The following TMEM178B variants were observed in gnomAD, a reference collection of about 807,000 sequenced individuals.
The protein encoded by TMEM178B is transmembrane protein 178B.
Under a neutral mutation model 31.0 loss-of-function variants are expected in TMEM178B, and 5 were observed. The observed-to-expected ratio is 0.16, with a 90% CI of 0.08 to 0.34. The LOEUF (loss-of-function observed/expected upper bound fraction) is 0.34, where lower values mean the gene tolerates loss of function less well. Among genes scored for constraint, TMEM178B ranks in the 10% least tolerant of loss-of-function variants. The pLI, the probability that TMEM178B is intolerant of heterozygous loss-of-function variation, is 1.00. For synonymous variants in TMEM178B, 164 were observed against 164.0 expected (o/e 1.00, Z 0.00); for missense variants, 275 against 400.3 (o/e 0.69, Z 2.67).
intron 2 of TMEM178B, among the ~76,000 whole-genome samples, chr7:141,237,469 A>G (rs918827835): frequency 4.6e-5 from 7 of 152,234 alleles, no homozygotes; most frequent in African/African-American, 7.2e-5. Flanking sequence ...ATTGAATACA[A>G]ATTGAAAAAA....
intron 1 of TMEM178B, among the ~76,000 whole-genome samples, chr7:141,097,568 A>G (rs143713910): frequency 4.6e-5 from 7 of 152,014 alleles, no homozygotes; most frequent in Non-Finnish European, 1.5e-5. Context: ...AAAATTGAAG[A>G]GAATCAGTCC....
chr7:141,227,587 TTTAGGAGGTC>T (rs1321924881), intron 2 of TMEM178B, among the ~76,000 whole-genome samples: 2 of 152,172 alleles, frequency 1.3e-5, no homozygotes, highest in African/African-American at 4.8e-5. Flanking sequence ...TTATGATGAC[TTTAGGAGGTC>T]TTAGGAAATG....
At chr7:141,501,847 G>GCTCTCTCT in the TMEM178B span, among the ~76,000 whole-genome samples, 21 of 148,850 alleles carry the variant, frequency 1.4e-4, no homozygotes, top group African/African-American at 4.2e-4. Flanking sequence ...AGTCTCTCAT[G>GCTCTCTCT]CTCTCTCTCT....
At chr7:141,080,664 C>T (rs993584881) in intron 1 of TMEM178B, among the ~76,000 whole-genome samples, 5 of 152,150 alleles carry the variant, frequency 3.3e-5, no homozygotes, top group Admixed American at 1.3e-4. Context: ...ATATATGAAT[C>T]GTGTAATATA....
chr7:141,189,741 C>G (rs909515594), intron 1 of TMEM178B, among the ~76,000 whole-genome samples: 3 of 152,206 alleles, frequency 2.0e-5, no homozygotes, highest in Non-Finnish European at 4.4e-5. Flanking sequence ...TCTAACGTCT[C>G]TCTAGGAAAG....
Position 141,372,015 on chromosome 7 carries a change from C to T in TMEM178B, c.497-65593C>T, listed in dbSNP as rs150919006. 1.2e-3 allele frequency among the ~76,000 whole-genome samples: 176 copies of T among 152,278 alleles called. 2 individuals carry two copies. Among genetic ancestry groups the T allele is most frequent in the African/African-American group, 4.1e-3 (172 of 41,562 alleles). On this transcript the variant is annotated intron_variant, in intron 2 of 3. Transcript: ENST00000565468. ...CTTCACTTGGACCCATGTTTCCTGC[C>T]AGCTAATCCCCCACATCCTTTCTCC...
downstream of TMEM178B, among the ~76,000 whole-genome samples, chr7:141,480,787 T>G (rs1478158058): frequency 6.6e-6 from 1 of 152,230 alleles, no homozygotes; most frequent in African/African-American, 2.4e-5. Flanking sequence ...TTCATCAGCT[T>G]TGTCCCTAAC....
At chr7:141,086,914 C>G (rs745861097) in intron 1 of TMEM178B, among the ~76,000 whole-genome samples, 2 of 152,090 alleles carry the variant, frequency 1.3e-5, no homozygotes, top group African/African-American at 2.4e-5. Flanking sequence ...TATCGAACTC[C>G]TGACCTCAAG....
chr7:141,123,362 G>A (rs768697695), intron 1 of TMEM178B, among the ~76,000 whole-genome samples: 4 of 152,326 alleles, frequency 2.6e-5, no homozygotes, highest in Admixed American at 6.5e-5. Flanking sequence ...TGAGGTCTGC[G>A]TGGCTTTCCA....
intron 2 of TMEM178B, among the ~76,000 whole-genome samples, chr7:141,221,642 G>A (rs1010523115): frequency 5.3e-5 from 8 of 152,232 alleles, no homozygotes; most frequent in Admixed American, 5.2e-4. Context: ...AGGCAGGTGT[G>A]CTATGCCCAG....
the TMEM178B span, among the ~76,000 whole-genome samples, chr7:141,492,130 T>G: frequency 1.3e-5 from 2 of 152,188 alleles, no homozygotes; most frequent in Non-Finnish European, 2.9e-5. Flanking sequence ...AACGCACTAA[T>G]CTGACACCAC....
chr7:141,327,507 A>G (rs1799214005), intron 2 of TMEM178B, among the ~76,000 whole-genome samples: 1 of 152,174 alleles, frequency 6.6e-6, no homozygotes. Context: ...TATAGTTTAT[A>G]TTTGGGTTCA....
chr7:141,386,881 G>A (rs1307934648), intron 2 of TMEM178B, among the ~76,000 whole-genome samples: 2 of 152,116 alleles, frequency 1.3e-5, no homozygotes, highest in Non-Finnish European at 2.9e-5. Context: ...GGGTTTGGGG[G>A]TTCTCTTTCT....
chr7:141,346,456 T>C (rs28579166), intron 2 of TMEM178B, among the ~76,000 whole-genome samples: 26,350 of 152,194 alleles, frequency 0.17, 2,442 homozygotes, highest in Admixed American at 0.23. Flanking sequence ...TTAGCCCCTC[T>C]TAGGACAGTA....
At chr7:141,342,423 C>T (rs547872390) in intron 2 of TMEM178B, among the ~76,000 whole-genome samples, 4 of 152,236 alleles carry the variant, frequency 2.6e-5, no homozygotes, top group South Asian at 2.1e-4. Context: ...CAAAAAAATT[C>T]GTTTTCTCAG....
chr7:141,235,559 G>A (rs1490662078), intron 2 of TMEM178B, among the ~76,000 whole-genome samples: 2 of 152,174 alleles, frequency 1.3e-5, no homozygotes, highest in African/African-American at 4.8e-5. Context: ...TAGTGATGAG[G>A]CCCAGAGAAA....
In TMEM178B at chr7:141,074,676, C is replaced by T; in HGVS notation, c.366C>T (p.Ala122=). The change falls in exon 1 of 4, where the codon GCC becomes GCT. Residue 122 remains alanine (A), a synonymous_variant. Coordinates refer to ENST00000565468, the MANE Select transcript of TMEM178B (RefSeq NM_001195278.2). The surrounding 1 kb of genome is among the most constrained non-coding windows in gnomAD (Gnocchi z 5.1). Reference sequence around the variant, plus strand: ...GGCAGGGCTTCGACCCCGAGATCGCCGCCCTCATTCGGAAAGGTAAGCGCC... The same window carrying T: ...GGCAGGGCTTCGACCCCGAGATCGCTGCCCTCATTCGGAAAGGTAAGCGCC... ...CHRQGFDPEI[A]ALIRKGEIER... is the part of the protein sequence containing the mutation. The T allele has an allele frequency of 6.6e-7, 1 of 1,505,274 alleles. No individual in the cohort carries two copies. The highest frequency in any genetic ancestry group is 1.4e-5 in the African/African-American group (1 of 72,322). The allele number at this position is 1,505,274 out of a possible 1,614,324, so 93.2% of individuals were successfully genotyped here.
chr7:141,382,112 C>T (rs952403826), intron 2 of TMEM178B, among the ~76,000 whole-genome samples: 1 of 152,218 alleles, frequency 6.6e-6, no homozygotes, highest in Admixed American at 6.5e-5. Flanking sequence ...GTTCTACCTC[C>T]TGCCAATGCT....
chr7:141,493,053 C>T, the TMEM178B span, among the ~76,000 whole-genome samples: 1 of 152,088 alleles, frequency 6.6e-6, no homozygotes, highest in South Asian at 2.1e-4. Context: ...TACCTGGTTG[C>T]CAAGGTAATT....
Sources: allele counts gnomAD v4.1 joint callset (sites outside exome capture counted in the v4.1 genomes callset), GRCh38; gene constraint gnomAD v4.1.1; non-coding constraint Gnocchi (gnomAD v3.1); transcripts MANE v1.5; gene names NCBI Gene and HGNC (gene_info 2026-07-23, HGNC 2026-07-21).